Variants in TNKS observed in about 807,000 individuals in gnomAD.
TNKS encodes the protein tankyrase.
A neutral mutation model predicts 135.8 loss-of-function variants in TNKS; 72 were observed. The ratio of observed to expected loss-of-function variants is 0.53; its 90% CI spans 0.44 to 0.64. The LOEUF is 0.64. Ranked by LOEUF, TNKS falls within the 30% of genes least tolerant of loss-of-function variation. TNKS has a pLI of 0.00. For synonymous variants in TNKS, 849 were observed against 649.3 expected, an observed-to-expected ratio of 1.31 and a Z score of -4.68; for missense variants, 1,769 against 1,674.0, an observed-to-expected ratio of 1.06 and a Z score of -0.99.
chr8:9,684,384 T>C (rs1195407219), intron 5 of TNKS, among the ~76,000 whole-genome samples: 5 of 152,070 alleles, frequency 3.3e-5, no homozygotes, highest in Non-Finnish European at 1.5e-5. Flanking sequence ...CCTTTTATAA[T>C]AAATGAAAAT....
chr8:9,590,441 AG>A (rs1342265388), intron 2 of TNKS, among the ~76,000 whole-genome samples: 1 of 152,198 alleles, frequency 6.6e-6, no homozygotes, highest in Non-Finnish European at 1.5e-5. Context: ...TTTACACCAT[AG>A]CACTTATTAC....
chr8:9,734,374 A>T (rs1465490313), intron 15 of TNKS, among the ~76,000 whole-genome samples: 1 of 152,202 alleles, frequency 6.6e-6, no homozygotes, highest in Admixed American at 6.5e-5. Flanking sequence ...TTCATGATAG[A>T]TGTTAAGACT....
At chr8:9,576,210 A>C (rs1264637057) in intron 1 of TNKS, among the ~76,000 whole-genome samples, 1 of 152,110 alleles carries the variant, frequency 6.6e-6, no homozygotes, top group Non-Finnish European at 1.5e-5. Context: ...TCCCGAGCAA[A>C]ATTGAGTCTG....
At chr8:9,742,759 GTATT>G (rs1183881726) in intron 17 of TNKS, among the ~76,000 whole-genome samples, 1 of 148,076 alleles carries the variant, frequency 6.8e-6, no homozygotes, top group African/African-American at 2.5e-5. Flanking sequence ...AAATTAAGAA[GTATT>G]TATTAGTACT....
At chr8:9,776,543 A>G (rs1808234380) in intron 26 of TNKS, 107 bp from the exon 27 acceptor site, 1 of 960,186 alleles carries the variant, frequency 1.0e-6, no homozygotes, top group South Asian at 1.5e-5. Context: ...CTGAGTCTAT[A>G]TAGAATATTG....
At chr8:9,562,495 A>G (rs1264266944) in intron 1 of TNKS, among the ~76,000 whole-genome samples, 3 of 152,142 alleles carry the variant, frequency 2.0e-5, no homozygotes, top group East Asian at 3.9e-4. Flanking sequence ...CCACTTCAGT[A>G]TTCTTATGCT....
chr8:9,648,658 G>T (rs1057106946), intron 3 of TNKS, among the ~76,000 whole-genome samples: 3 of 152,164 alleles, frequency 2.0e-5, no homozygotes, highest in African/African-American at 7.2e-5. Context: ...ACAAACGTGA[G>T]TAATGCTCCC....
At chr8:9,759,713 G>A (rs912700511) in intron 20 of TNKS, among the ~76,000 whole-genome samples, 6 of 152,092 alleles carry the variant, frequency 3.9e-5, no homozygotes, top group Non-Finnish European at 5.9e-5. Context: ...GGTGGCTCAC[G>A]CCTGTAATCC....
At chr8:9,567,449 T>G (rs992824914) in intron 1 of TNKS, among the ~76,000 whole-genome samples, 7 of 152,142 alleles carry the variant, frequency 4.6e-5, no homozygotes, top group Non-Finnish European at 8.8e-5. Context: ...GGAGTCTCGC[T>G]CTGTCGCCCA....
At chr8:9,693,301 A>C (rs1265777134) in intron 5 of TNKS, among the ~76,000 whole-genome samples, 3 of 152,202 alleles carry the variant, frequency 2.0e-5, no homozygotes, top group East Asian at 1.9e-4. Context: ...TAATCATAGA[A>C]GAATATAATA....
At chr8:9,570,629 A>T (rs1349639242) in intron 1 of TNKS, among the ~76,000 whole-genome samples, 1 of 152,190 alleles carries the variant, frequency 6.6e-6, no homozygotes, top group Non-Finnish European at 1.5e-5. Context: ...TCAATCCTCT[A>T]TATGGCCCAT....
intron 2 of TNKS, among the ~76,000 whole-genome samples, chr8:9,596,625 C>T (rs570236724): frequency 6.6e-6 from 1 of 152,228 alleles, no homozygotes; most frequent in South Asian, 2.1e-4. Context: ...ATAAGACTTA[C>T]CAAGCATTCC....
intron 2 of TNKS, among the ~76,000 whole-genome samples, chr8:9,588,688 AC>A (rs1798481618): frequency 6.6e-6 from 1 of 151,960 alleles, no homozygotes; most frequent in African/African-American, 2.4e-5. Flanking sequence ...TTTCTTTTCT[AC>A]CTTTTAATTC....
chr8:9,730,611 G>C lies in TNKS; in HGVS notation c.2002-279G>C, dbSNP rs77129355. Among the ~76,000 whole-genome samples the C allele has an allele frequency of 5.9e-5, 9 of 152,258 alleles. No homozygotes were observed. In the East Asian group the frequency reaches 1.7e-3, roughly 29 times the overall value. On this transcript the variant is annotated intron_variant, in intron 13 of 26. Transcript: ENST00000310430. ...AAACAGCAAGGCATTATTTGCTTTG[G>C]AAATGCTTGCTTTATTGTGGGTTTT...
intron 1 of TNKS, among the ~76,000 whole-genome samples, chr8:9,578,640 C>T (rs1192604456): frequency 6.6e-6 from 1 of 152,122 alleles, no homozygotes; most frequent in Non-Finnish European, 1.5e-5. Context: ...AGATAAATTT[C>T]TTTTTTCCCC....
rs1022418782 is a variant in TNKS at position 9,747,970 on chromosome 8, G to T, written c.2644-54G>T. On this transcript the variant is annotated intron_variant, in intron 17 of 26. Coordinates refer to ENST00000310430, the MANE Select transcript of TNKS (RefSeq NM_003747.3). The stretch of plus-strand genomic sequence containing the variant: ...AATAAAAACAGGTATACACAATGGT[G>T]CTTTACCAGATGATCTCATTCTTAA... 3.3e-6 allele frequency: 5 copies of T among 1,517,150 alleles called. No homozygotes were observed. In the African/African-American group the frequency reaches 6.9e-5, roughly 21 times the overall value. 94.0% of individuals were successfully genotyped at this position (1,517,150 alleles called of 1,614,324 possible). A position where few individuals can be genotyped will look rare whatever the true frequency, so the allele number is the denominator to read the frequency against.
chr8:9,693,358 G>T (rs1351933374), intron 5 of TNKS, among the ~76,000 whole-genome samples: 1 of 130,058 alleles, frequency 7.7e-6, no homozygotes, highest in Non-Finnish European at 1.7e-5. Flanking sequence ...AGAACTCAGA[G>T]AGAAAACAAA....
At chr8:9,710,663 G>A (rs1479637212) in intron 11 of TNKS, among the ~76,000 whole-genome samples, 1 of 152,110 alleles carries the variant, frequency 6.6e-6, no homozygotes, top group East Asian at 1.9e-4. Context: ...TTGGGAGGCC[G>A]AGGCAGGTGG....
At chr8:9,748,811 T>C (rs896744707) in intron 18 of TNKS, among the ~76,000 whole-genome samples, 4 of 152,222 alleles carry the variant, frequency 2.6e-5, no homozygotes, top group Admixed American at 2.6e-4. Flanking sequence ...TATTATTTCT[T>C]ATGATTCTGT....
Sources: gnomAD v4.1 joint callset for allele counts (sites outside exome capture counted in the v4.1 genomes callset) on GRCh38, gnomAD v4.1.1 for gene constraint, MANE v1.5 for transcripts, NCBI Gene and HGNC (gene_info 2026-07-23, HGNC 2026-07-21) for gene names.